ASTN2: variants seen among roughly 807,000 people sequenced by gnomAD.
The protein encoded by ASTN2 is astrotactin-2.
Under a neutral mutation model 139.8 loss-of-function variants are expected in ASTN2, and 54 were observed. The observed-to-expected ratio is 0.39, with a 90% CI of 0.31 to 0.48. The LOEUF (loss-of-function observed/expected upper bound fraction) is 0.48. ASTN2 is among the 20% of genes least tolerant of loss of function. The pLI is 0.95. For missense variants in ASTN2, 1,565 were observed against 1,725.1 expected (o/e 0.91, Z 1.64); for synonymous variants, 756 against 719.5 (o/e 1.05, Z -0.81).
chr9:117,267,978 G>C (rs1833974077), intron 2 of ASTN2, among the ~76,000 whole-genome samples: 1 of 152,158 alleles, frequency 6.6e-6, no homozygotes, highest in African/African-American at 2.4e-5. Flanking sequence ...CATAAACAAT[G>C]CCAATCATTG....
chr9:117,247,349 A>G (rs898072290), intron 2 of ASTN2, among the ~76,000 whole-genome samples: 2 of 152,144 alleles, frequency 1.3e-5, no homozygotes, highest in African/African-American at 4.8e-5. Flanking sequence ...TGGCAGTAGA[A>G]CAGAAACCTG....
intron 19 of ASTN2, among the ~76,000 whole-genome samples, chr9:116,514,788 T>C (rs1210034282): frequency 1.3e-5 from 2 of 152,184 alleles, no homozygotes; most frequent in Non-Finnish European, 2.9e-5. Flanking sequence ...CATGGGACCC[T>C]CTGATCCTGG....
chr9:116,742,309 G>C (rs1441111162), intron 13 of ASTN2, among the ~76,000 whole-genome samples: 1 of 152,090 alleles, frequency 6.6e-6, no homozygotes, highest in Non-Finnish European at 1.5e-5. Context: ...ATACAGATTG[G>C]GCAGGTGATG....
At chr9:117,232,909 G>A (rs1245162854) in intron 2 of ASTN2, among the ~76,000 whole-genome samples, 2 of 131,052 alleles carry the variant, frequency 1.5e-5, no homozygotes, top group Non-Finnish European at 3.3e-5. Context: ...TTTCCTTTTT[G>A]TTCCTCATTC....
intron 2 of ASTN2, among the ~76,000 whole-genome samples, chr9:117,258,226 A>G (rs1291511884): frequency 2.0e-5 from 3 of 152,164 alleles, no homozygotes; most frequent in Non-Finnish European, 4.4e-5. Context: ...GACATGAATA[A>G]TGATGGGTCA....
At chr9:116,750,499 C>T (rs1312655533) in intron 13 of ASTN2, among the ~76,000 whole-genome samples, 1 of 152,062 alleles carries the variant, frequency 6.6e-6, no homozygotes, top group African/African-American at 2.4e-5. Context: ...AATGAGAAAC[C>T]TGCTACAGTA....
intron 1 of ASTN2, among the ~76,000 whole-genome samples, chr9:117,371,690 C>CA (rs2130913704): frequency 6.6e-6 from 1 of 152,196 alleles, no homozygotes; most frequent in East Asian, 1.9e-4. Context: ...ACCTGAAGCA[C>CA]TTAGTGTCTG....
At chr9:117,109,110 C>T (rs567429070) in intron 4 of ASTN2, among the ~76,000 whole-genome samples, 45 of 151,936 alleles carry the variant, frequency 3.0e-4, no homozygotes, top group Non-Finnish European at 5.3e-4. Flanking sequence ...GTGAAACCCC[C>T]GTCTCTACTA....
chr9:117,007,831 C>A (rs187383266), intron 7 of ASTN2, among the ~76,000 whole-genome samples: 100 of 152,126 alleles, frequency 6.6e-4, no homozygotes, highest in Middle Eastern at 3.4e-3. Context: ...ATCTGAAGTG[C>A]AGACATTTTG....
intron 11 of ASTN2, among the ~76,000 whole-genome samples, chr9:116,850,210 T>C (rs1247977668): frequency 6.6e-6 from 1 of 152,198 alleles, no homozygotes; most frequent in African/African-American, 2.4e-5. Flanking sequence ...TTCAAGGTTT[T>C]ATTCCCAAGG....
intron 19 of ASTN2, among the ~76,000 whole-genome samples, chr9:116,559,974 G>T (rs1013376486): frequency 2.0e-5 from 3 of 152,146 alleles, no homozygotes; most frequent in Non-Finnish European, 4.4e-5. Flanking sequence ...AGAAACAACT[G>T]TACAAAGCAA....
intron 13 of ASTN2, among the ~76,000 whole-genome samples, chr9:116,776,597 T>G (rs1350664064): frequency 6.6e-6 from 1 of 152,074 alleles, no homozygotes; most frequent in Non-Finnish European, 1.5e-5. Context: ...ATTGAGGTTT[T>G]GGGGGTTTGG....
chr9:117,237,502 C>A (rs1456009085), intron 2 of ASTN2, among the ~76,000 whole-genome samples: 1 of 152,092 alleles, frequency 6.6e-6, no homozygotes, highest in Non-Finnish European at 1.5e-5. Context: ...TCTTTTGAGA[C>A]AGAGTTTTGC....
intron 10 of ASTN2, among the ~76,000 whole-genome samples, chr9:116,943,428 T>C (rs367736326): frequency 6.6e-6 from 1 of 152,198 alleles, no homozygotes; most frequent in South Asian, 2.1e-4. Flanking sequence ...ATTCAACCTG[T>C]AATCTAAAAA....
At chr9:116,950,570 A>G (rs1835528986) in intron 10 of ASTN2, among the ~76,000 whole-genome samples, 1 of 152,196 alleles carries the variant, frequency 6.6e-6, no homozygotes, top group African/African-American at 2.4e-5. Context: ...GCAAATACTG[A>G]AGGAGAAGTT....
chr9:116,989,925 G>T (rs947916890), intron 7 of ASTN2, among the ~76,000 whole-genome samples: 9 of 152,036 alleles, frequency 5.9e-5, no homozygotes, highest in Non-Finnish European at 1.0e-4. Flanking sequence ...TCTCAACGTT[G>T]TTTTTGTCAC....
At chr9:116,762,770 G>T (rs1829706018) in intron 13 of ASTN2, among the ~76,000 whole-genome samples, 1 of 152,178 alleles carries the variant, frequency 6.6e-6, no homozygotes, top group African/African-American at 2.4e-5. Context: ...TGGCTGTTTT[G>T]CCAGTGCAAC....
chr9:116,436,789 G>C (rs1216923542), intron 22 of ASTN2, among the ~76,000 whole-genome samples: 1 of 151,846 alleles, frequency 6.6e-6, no homozygotes, highest in Non-Finnish European at 1.5e-5. Context: ...ATTCACAATA[G>C]CAAAGACTTG....
intron 10 of ASTN2, among the ~76,000 whole-genome samples, chr9:116,959,119 G>T (rs1377405827): frequency 6.6e-6 from 1 of 152,162 alleles, no homozygotes; most frequent in Non-Finnish European, 1.5e-5. Context: ...TGTGTGGAGA[G>T]GGTGAGTGTG....
Sources: allele counts gnomAD v4.1 joint callset (sites outside exome capture counted in the v4.1 genomes callset), GRCh38; gene constraint gnomAD v4.1.1; transcripts MANE v1.5; gene names NCBI Gene and HGNC (gene_info 2026-07-23, HGNC 2026-07-21).